The following CDK13 variants were observed in gnomAD, a reference collection of about 807,000 sequenced individuals.
CDK13 encodes cyclin-dependent kinase 13.
CDK13 carries 40 observed loss-of-function variants against 137.6 expected under a neutral mutation model. The ratio of observed to expected loss-of-function variants is 0.29; its 90% CI spans 0.23 to 0.38. The LOEUF (loss-of-function observed/expected upper bound fraction) is 0.38, where lower values mean the gene tolerates loss of function less well. Ranked by LOEUF, CDK13 falls within the 10% of genes least tolerant of loss-of-function variation. The probability of loss-of-function intolerance (pLI) is 1.00; values close to 1 mark genes in which losing one functional copy is unlikely to be tolerated. For synonymous variants in CDK13, 869 were observed against 760.1 expected (o/e 1.14, Z -2.36); for missense variants, 1,704 against 1,951.8 (o/e 0.87, Z 2.39).
intron 2 of CDK13, among the ~76,000 whole-genome samples, chr7:39,997,112 CTTACAT>C (rs1784580825): frequency 6.6e-6 from 1 of 151,456 alleles, no homozygotes; most frequent in Admixed American, 6.6e-5. Flanking sequence ...TTATAACAGT[CTTACAT>C]TTATAGAAAA....
intron 9 of CDK13, chr7:40,073,130 A>T (rs1043991649): frequency 3.9e-5 from 6 of 152,202 alleles, no homozygotes; most frequent in Non-Finnish European, 8.8e-5. Context: ...AAATCAGAAA[A>T]TAAAGTTACC....
chr7:40,082,760 C>T (rs1786694747), intron 11 of CDK13, among the ~76,000 whole-genome samples: 1 of 147,092 alleles, frequency 6.8e-6, no homozygotes, highest in African/African-American at 2.5e-5. Flanking sequence ...CGCTGCACTC[C>T]AGCCTGGGTG....
In CDK13 at chr7:40,093,445, G is replaced by A. The variant is rs2077124; in HGVS notation, c.3688+208G>A. On this transcript the variant is annotated intron_variant, in intron 13 of 13. Transcript: ENST00000181839. ...TTATCCATGTGAGATAGAACTCATT[G>A]TGAATGATAAAGATATTTCTAAGGT... Among the ~76,000 whole-genome samples the A allele has an allele frequency of 0.27, 41,165 of 152,052 alleles. 5,992 individuals are homozygous for A. Among genetic ancestry groups the A allele is most frequent in the South Asian group, 0.39 (1,902 of 4,818 alleles).
intron 5 of CDK13, among the ~76,000 whole-genome samples, chr7:40,039,041 G>A (rs1397624931): frequency 1.3e-5 from 2 of 152,128 alleles, no homozygotes; most frequent in African/African-American, 4.8e-5. Context: ...CATTCACTTA[G>A]GGGCGCTTCG....
intron 9 of CDK13, among the ~76,000 whole-genome samples, chr7:40,068,756 GAAAT>G (rs1258157156): frequency 4.7e-5 from 6 of 127,432 alleles, no homozygotes; most frequent in Admixed American, 1.6e-4. Flanking sequence ...TGGAGATAAA[GAAAT>G]GGAAAAGCAG....
intron 7 of CDK13, chr7:40,048,495 A>G (rs1785800508): frequency 6.6e-6 from 1 of 152,202 alleles, no homozygotes; most frequent in Non-Finnish European, 1.5e-5. Context: ...TAAATAAAAT[A>G]CGGAATTAAT....
intron 2 of CDK13, among the ~76,000 whole-genome samples, chr7:39,992,861 T>C (rs141835666): frequency 0.014 from 2,092 of 152,264 alleles, 27 homozygotes; most frequent in Middle Eastern, 0.024. Context: ...CACAGTTTTT[T>C]AGCCAGAATA....
chr7:39,950,655 C>G lies in CDK13; in HGVS notation c.14C>G (p.Ser5Trp). ...TGGCTCTAGGCGATGCCGAGCAGCT[C>G]GGACACGGCGCTGGGGGGAGGCGGG... is the stretch of plus-strand genomic sequence containing the variant. Reference protein sequence around the residue: MPSSSDTALGGGGGL... With the variant: MPSSWDTALGGGGGL... The change falls in exon 1 of 14, where the codon TCG (serine) becomes TGG (tryptophan). Residue 5 changes from serine to tryptophan, a missense_variant. Transcript: ENST00000181839. The G allele has an allele frequency of 7.4e-7, 1 of 1,343,726 alleles. No homozygotes were observed. The highest frequency in any genetic ancestry group is 3.1e-5 in the East Asian group (1 of 32,190). The allele number at this position is 1,343,726 out of a possible 1,614,324, so 83.2% of individuals were successfully genotyped here.
intron 5 of CDK13, among the ~76,000 whole-genome samples, chr7:40,041,890 C>T (rs1251717445): frequency 6.6e-6 from 1 of 152,162 alleles, no homozygotes; most frequent in Non-Finnish European, 1.5e-5. Flanking sequence ...ATGCTTACAG[C>T]TAAATCTTTG....
At chr7:40,008,378 C>G (rs1055160073) in intron 5 of CDK13, among the ~76,000 whole-genome samples, 1 of 152,174 alleles carries the variant, frequency 6.6e-6, no homozygotes, top group Non-Finnish European at 1.5e-5. Flanking sequence ...TAATGTCCAT[C>G]TAAATACTGG....
intron 1 of CDK13, among the ~76,000 whole-genome samples, chr7:39,959,493 G>A (rs1787540728): frequency 6.9e-6 from 1 of 144,108 alleles, no homozygotes. Flanking sequence ...AATTGAGACC[G>A]GGTCTCACTC....
rs1562719742 is a variant in CDK13 at position 39,997,575 on chromosome 7, G to T, written c.1953G>T (p.Leu651=). 4.4e-6 allele frequency: 7 copies of T among 1,607,408 alleles called. 1 individual carries two copies. In the Admixed American group the frequency reaches 1.0e-4, roughly 24 times the overall value. ...KLRCLLADLP[L]PPELPGGDDL... Reference sequence around the variant, plus strand: ...GATGTCTTCTTGCTGATTTACCGCTGCCCCCTGAGCTACCAGGAGGAGATG... The same window carrying T: ...GATGTCTTCTTGCTGATTTACCGCTTCCCCCTGAGCTACCAGGAGGAGATG... Residue 651 remains leucine (L), a synonymous_variant, in exon 3 of 14, where the codon CTG becomes CTT. Coordinates refer to ENST00000181839, the MANE Select transcript of CDK13 (RefSeq NM_003718.5).
At chr7:40,040,920 A>G (rs1785591940) in intron 5 of CDK13, among the ~76,000 whole-genome samples, 1 of 152,232 alleles carries the variant, frequency 6.6e-6, no homozygotes, top group Non-Finnish European at 1.5e-5. Flanking sequence ...TTCCTATGTC[A>G]ATTCTTAAAT....
intron 11 of CDK13, among the ~76,000 whole-genome samples, chr7:40,087,554 T>G (rs997655629): frequency 1.4e-5 from 2 of 147,742 alleles, no homozygotes; most frequent in South Asian, 2.1e-4. Flanking sequence ...GTGTTTTTTT[T>G]TTTTTTTTTT....
At chr7:39,989,888 T>C (rs2116277442) in intron 2 of CDK13, among the ~76,000 whole-genome samples, 1 of 151,900 alleles carries the variant, frequency 6.6e-6, no homozygotes, top group African/African-American at 2.4e-5. Flanking sequence ...GTTCATGCCG[T>C]TCTTCTGCCT....
intron 2 of CDK13, 33 bp downstream of exon 2, chr7:39,988,291 C>T: frequency 6.6e-7 from 1 of 1,518,274 alleles, no homozygotes; most frequent in Non-Finnish European, 8.9e-7. Context: ...AATAACTGTT[C>T]AAAGAAAAAA....
intron 1 of CDK13, chr7:39,952,810 T>G (rs1456668171): frequency 1.4e-5 from 2 of 138,138 alleles, no homozygotes; most frequent in Non-Finnish European, 3.3e-5. Flanking sequence ...GGAGTAAAAC[T>G]TTTCTGTAGC....
chr7:40,033,631 T>C (rs1222618120), intron 5 of CDK13, among the ~76,000 whole-genome samples: 1 of 152,128 alleles, frequency 6.6e-6, no homozygotes, highest in African/African-American at 2.4e-5. Flanking sequence ...GTCTTCCCTG[T>C]TGTCTTTTGG....
At chr7:40,007,305 C>T (rs1195216356) in intron 5 of CDK13, among the ~76,000 whole-genome samples, 1 of 152,196 alleles carries the variant, frequency 6.6e-6, no homozygotes, top group Non-Finnish European at 1.5e-5. Flanking sequence ...GGGAAGAAGT[C>T]CTCACATGTC....
Sources: gnomAD v4.1 joint callset for allele counts (sites outside exome capture counted in the v4.1 genomes callset) on GRCh38, gnomAD v4.1.1 for gene constraint, MANE v1.5 for transcripts, NCBI Gene and HGNC (gene_info 2026-07-23, HGNC 2026-07-21) for gene names.